DTNA: variants seen among roughly 807,000 people sequenced by gnomAD.
The protein encoded by DTNA is dystrobrevin alpha.
A neutral mutation model predicts 100.7 loss-of-function variants in DTNA; 43 were observed. The observed-to-expected ratio is 0.43, with a 90% confidence interval of 0.33 to 0.55. DTNA has a LOEUF of 0.55. DTNA is among the 20% of genes least tolerant of loss of function. The pLI is 0.04. For missense variants in DTNA, 798 were observed against 953.9 expected (o/e 0.84, Z 2.15); for synonymous variants, 349 against 347.9 (o/e 1.00, Z -0.04).
chr18:34,820,447 C>T (rs1392051567), intron 8 of DTNA, among the ~76,000 whole-genome samples: 1 of 152,132 alleles, frequency 6.6e-6, no homozygotes, highest in Admixed American at 6.5e-5. Flanking sequence ...CTTTCCTCCC[C>T]AGAAGGGCTC....
chr18:34,502,494 G>T (rs1294989019), intron 1 of DTNA, among the ~76,000 whole-genome samples: 1 of 152,026 alleles, frequency 6.6e-6, no homozygotes, highest in Non-Finnish European at 1.5e-5. Context: ...TATGCATTTA[G>T]TGCTATAGAT....
At chr18:34,565,961 A>G (rs1476318371) in intron 1 of DTNA, among the ~76,000 whole-genome samples, 1 of 152,170 alleles carries the variant, frequency 6.6e-6, no homozygotes, top group Non-Finnish European at 1.5e-5. Context: ...GAGATGTGCA[A>G]GTCTTTCCCA....
Position 34,873,531 on chromosome 18 carries a change from G to A in DTNA, c.1744-1708G>A, listed in dbSNP as rs78519935. ...GCCAGCAAGGCTCCCGCAGCCCAGG[G>A]CACTCAGAGCCCCTGGGCTCAGCCC... On this transcript the variant is annotated intron_variant, in intron 17 of 22. Coordinates refer to ENST00000444659, the MANE Select transcript of DTNA (RefSeq NM_001386795.1). Among the ~76,000 whole-genome samples, 421 of 152,298 alleles carry A rather than the reference G, an allele frequency of 2.8e-3. 5 individuals carry two copies. Among genetic ancestry groups the A allele is most frequent in the African/African-American group, 9.9e-3 (412 of 41,574 alleles).
intron 11 of DTNA, among the ~76,000 whole-genome samples, chr18:34,836,404 G>A (rs1416026029): frequency 6.6e-6 from 1 of 152,140 alleles, no homozygotes; most frequent in Non-Finnish European, 1.5e-5. Context: ...TGTAATTCCA[G>A]CACTTTGGGA....
In DTNA at chr18:34,825,232, G is replaced by A. The variant is rs114526733; in HGVS notation, c.1002-2361G>A. ...GCTTGTAAATATTACCATGATTAAC[G>A]GTCTCTATTCTGTTCAATTCTTCGC... is the stretch of plus-strand genomic sequence containing the variant. On this transcript the variant is annotated intron_variant, in intron 9 of 22. Coordinates refer to ENST00000444659, the MANE Select transcript of DTNA (RefSeq NM_001386795.1). 2.3e-4 allele frequency: 369 copies of A among 1,612,786 alleles called. No homozygotes were observed. The African/African-American group carries it at 3.2e-3, about 14-fold the overall frequency.
intron 1 of DTNA, among the ~76,000 whole-genome samples, chr18:34,576,588 A>T (rs1302909293): frequency 6.6e-6 from 1 of 152,102 alleles, no homozygotes; most frequent in East Asian, 1.9e-4. Context: ...CCTTCCAATT[A>T]GCTGAGATTA....
chr18:34,639,934 C>T (rs2730120), intron 1 of DTNA, among the ~76,000 whole-genome samples: 1 of 152,106 alleles, frequency 6.6e-6, no homozygotes, highest in Non-Finnish European at 1.5e-5. Flanking sequence ...GACACATTTC[C>T]CTGAGATTTA....
intron 1 of DTNA, among the ~76,000 whole-genome samples, chr18:34,624,809 G>C (rs2057080345): frequency 6.6e-6 from 1 of 152,184 alleles, no homozygotes; most frequent in Non-Finnish European, 1.5e-5. Flanking sequence ...ACAACATCAA[G>C]TCTGAAAGTA....
intron 1 of DTNA, among the ~76,000 whole-genome samples, chr18:34,508,153 T>G (rs1020962840): frequency 1.3e-5 from 2 of 152,198 alleles, no homozygotes; most frequent in African/African-American, 4.8e-5. Context: ...CATTTGTTTC[T>G]CATAGTTGCC....
chr18:34,562,625 AC>A (rs2046740135), intron 1 of DTNA, among the ~76,000 whole-genome samples: 1 of 152,256 alleles, frequency 6.6e-6, no homozygotes, highest in African/African-American at 2.4e-5. Context: ...AGGGACTCTT[AC>A]CTGATGATCA....
chr18:34,875,248 G>C lies in DTNA; in HGVS notation c.1753G>C (p.Ala585Pro). 6.2e-7 allele frequency: 1 copy of C among 1,613,884 alleles called. No homozygotes were observed. Among genetic ancestry groups the C allele is most frequent in the Non-Finnish European group, 8.5e-7 (1 of 1,179,902 alleles). ...GLMKLLKTQG[A>P]GSPRSSPSHT... Reference sequence around the variant, plus strand: ...TGCATTGTCTCTCCAGACTCAGGGGGCAGGCTCTCCCCGCTCCTCCCCCAG... The same window carrying C: ...TGCATTGTCTCTCCAGACTCAGGGGCCAGGCTCTCCCCGCTCCTCCCCCAG... Residue 585 changes from alanine to proline, a missense_variant, in exon 18 of 23, where the codon GCA becomes CCA. Physicochemically the swap from Ala to Pro is conservative, Grantham distance 27. This residue lies in a region of DTNA where 242 missense variants were observed against 238.2 expected (regional missense o/e 1.02). Transcript: ENST00000444659.
intron 1 of DTNA, among the ~76,000 whole-genome samples, chr18:34,502,374 A>G (rs574709232): frequency 3.1e-4 from 47 of 152,204 alleles, no homozygotes; most frequent in African/African-American, 1.1e-3. Flanking sequence ...TTCTGCTCTT[A>G]TAATTGTTAT....
At chr18:34,497,438 A>G (rs1170175799) in intron 1 of DTNA, among the ~76,000 whole-genome samples, 2 of 152,312 alleles carry the variant, frequency 1.3e-5, no homozygotes, top group East Asian at 1.9e-4. Flanking sequence ...ACTCTTCACA[A>G]AAGCCATGTG....
chr18:34,546,290 C>G (rs562977252), intron 1 of DTNA, among the ~76,000 whole-genome samples: 23 of 152,182 alleles, frequency 1.5e-4, no homozygotes, highest in African/African-American at 4.8e-4. Context: ...CATGTCAGCT[C>G]ATCCTAACTG....
At chr18:34,663,858 A>G (rs1482629625) in intron 1 of DTNA, among the ~76,000 whole-genome samples, 3 of 152,222 alleles carry the variant, frequency 2.0e-5, no homozygotes, top group Non-Finnish European at 4.4e-5. Flanking sequence ...ATTTTTTGTT[A>G]TCAAAAATAA....
At chr18:34,807,923 G>T (rs2095405938) in intron 5 of DTNA, among the ~76,000 whole-genome samples, 1 of 149,942 alleles carries the variant, frequency 6.7e-6, no homozygotes, top group African/African-American at 2.5e-5. Flanking sequence ...TTCCTTCAGG[G>T]TTAAGCCAGA....
intron 1 of DTNA, among the ~76,000 whole-genome samples, chr18:34,631,433 A>G (rs948994600): frequency 6.6e-6 from 1 of 152,170 alleles, no homozygotes; most frequent in African/African-American, 2.4e-5. Context: ...CTATTTTTAA[A>G]TTGAGAAAAC....
intron 1 of DTNA, among the ~76,000 whole-genome samples, chr18:34,517,734 A>G (rs890695049): frequency 1.3e-5 from 2 of 152,066 alleles, no homozygotes; most frequent in African/African-American, 4.8e-5. Flanking sequence ...TAAAAATTCA[A>G]CATAATTTCA....
intron 12 of DTNA, 50 bp from the exon 13 acceptor site, chr18:34,838,695 C>CTG: frequency 6.6e-7 from 1 of 1,513,764 alleles, no homozygotes; most frequent in Non-Finnish European, 9.2e-7. Flanking sequence ...CTACTTATTT[C>CTG]TGTCCACCTC....
Sources: gnomAD v4.1 joint callset for allele counts (sites outside exome capture counted in the v4.1 genomes callset) on GRCh38, gnomAD v4.1.1 for gene constraint, gnomAD v4.1.1 regional missense constraint, MANE v1.5 for transcripts, NCBI Gene and HGNC (gene_info 2026-07-23, HGNC 2026-07-21) for gene names.